The following AOX1 variants were observed in gnomAD, a reference collection of about 807,000 sequenced individuals.
AOX1 encodes aldehyde oxidase.
In AOX1, 153 loss-of-function variants were observed where a neutral mutation model predicts 169.5. That is an observed-to-expected ratio of 0.90 (90% CI 0.79 to 1.03). AOX1 has a LOEUF of 1.03. Among genes scored for constraint, AOX1 ranks in the 50% least tolerant of loss-of-function variants. The pLI is 0.00. For synonymous variants in AOX1, 562 were observed against 581.9 expected, an observed-to-expected ratio of 0.97 and a Z score of 0.49; for missense variants, 1,656 against 1,663.9, an observed-to-expected ratio of 1.00 and a Z score of 0.08.
chr2:200,608,899 A>T, intron 10 of AOX1, 85 bp from the exon 11 acceptor site: 1 of 1,251,392 alleles, frequency 8.0e-7, no homozygotes, highest in Non-Finnish European at 1.1e-6. Context: ...CAGTATAAAG[A>T]TTCTATGTCT....
chr2:200,678,142 G>A (rs757175208), downstream of AOX1: 13 of 152,232 alleles, frequency 8.5e-5, no homozygotes, highest in Non-Finnish European at 1.2e-4. Flanking sequence ...CTGTTAAAGG[G>A]AGGTGCTAGT....
intron 6 of AOX1, among the ~76,000 whole-genome samples, chr2:200,602,922 G>A (rs1024602301): frequency 6.6e-6 from 1 of 152,026 alleles, no homozygotes; most frequent in African/African-American, 2.4e-5. Context: ...TAAGAACAGT[G>A]ATGACAATAA....
At chr2:200,619,935 G>A (rs1241669471) in intron 16 of AOX1, among the ~76,000 whole-genome samples, 1 of 152,096 alleles carries the variant, frequency 6.6e-6, no homozygotes, top group African/African-American at 2.4e-5. Flanking sequence ...AATATTATAT[G>A]TATCGTGCTT....
chr2:200,593,634 T>C (rs2034219772), intron 2 of AOX1, among the ~76,000 whole-genome samples: 1 of 152,284 alleles, frequency 6.6e-6, no homozygotes, highest in East Asian at 1.9e-4. Flanking sequence ...GCCAAATAAA[T>C]GCCATCAAAG....
chr2:200,648,226 GAAGGA>G lies in AOX1; in HGVS notation c.2848-2744_2848-2740del, dbSNP rs146564346. ...CGTCTCATTTGGGTAGGCTCTGTCA[GAAGGA>G]AAGTTTGGGGCTGAAGGCTGTTGTT... On this transcript the variant is annotated intron_variant, in intron 25 of 34. Transcript: ENST00000374700. Among the ~76,000 whole-genome samples, 481 of 152,332 alleles carry G rather than the reference GAAGGA, an allele frequency of 3.2e-3. 2 individuals carry two copies. Among genetic ancestry groups the G allele is most frequent in the African/African-American group, 0.011 (455 of 41,580 alleles).
At chr2:200,604,890 T>C (rs1167826503) in intron 9 of AOX1, 50 bp downstream of exon 9, 2 of 870,310 alleles carry the variant, frequency 2.3e-6, no homozygotes, top group African/African-American at 3.5e-5. Context: ...AAAAAGGGCT[T>C]GGGATGGGGC....
downstream of AOX1, among the ~76,000 whole-genome samples, chr2:200,673,286 C>G (rs1412136193): frequency 6.6e-6 from 1 of 152,166 alleles, no homozygotes; most frequent in Non-Finnish European, 1.5e-5. Flanking sequence ...TCTGTAAACC[C>G]AACTCTTGCT....
chr2:200,604,835 C>T lies in AOX1; in HGVS notation c.809C>T (p.Ser270Phe). 1 of 1,497,268 alleles carries T rather than the reference C, an allele frequency of 6.7e-7. No homozygotes were observed. Among genetic ancestry groups the T allele is most frequent in the African/African-American group, 1.4e-5 (1 of 70,562 alleles). 92.7% of individuals were successfully genotyped at this position (1,497,268 alleles called of 1,614,324 possible). ...PQAPVIMGNT[S>F]VGPEVKFKGV... The stretch of plus-strand genomic sequence containing the variant: ...GCTCCTGTTATCATGGGAAACACCT[C>T]TGTGGGTATGTAGAACCCCAGGGAT... Residue 270 changes from serine to phenylalanine, a missense_variant, in exon 9 of 35, where the codon TCT (serine) becomes TTT (phenylalanine). Coordinates refer to ENST00000374700, the MANE Select transcript of AOX1 (RefSeq NM_001159.4).
chr2:200,609,023 A>G lies in AOX1; in HGVS notation c.947A>G (p.Lys316Arg). ...GCTGGTCTCAGCCTAGCCCAGGTGA[A>G]GGACATTTTGGCTGATGTAGTCCAG... Reference protein sequence around the residue: ...LGAGLSLAQVKDILADVVQKL... With the variant: ...LGAGLSLAQVRDILADVVQKL... Residue 316 changes from lysine to arginine, a missense_variant, in exon 11 of 35, where the codon AAG (lysine) becomes AGG (arginine). Physicochemically the swap from Lys to Arg is conservative, Grantham distance 26 (BLOSUM62 2). Transcript: ENST00000374700. 1.2e-6 allele frequency: 2 copies of G among 1,614,106 alleles called. No homozygotes were observed. Among genetic ancestry groups the G allele is most frequent in the Non-Finnish European group, 1.7e-6 (2 of 1,179,984 alleles).
In AOX1 at chr2:200,621,038, T is replaced by A. The variant is rs1441919362; in HGVS notation, c.1875-82T>A. On this transcript the variant is annotated intron_variant, in intron 17 of 34. Coordinates refer to ENST00000374700, the MANE Select transcript of AOX1 (RefSeq NM_001159.4). ...CAGAGACTGTTGGACAGTTCTTACC[T>A]CTCTCATATCTTATTATCCAATTAA... is the stretch of plus-strand genomic sequence containing the variant. 4 of 1,484,210 alleles carry A rather than the reference T, an allele frequency of 2.7e-6. No homozygotes were observed. The African/African-American group carries it at 5.7e-5, about 21-fold the overall frequency. The allele number at this position is 1,484,210 out of a possible 1,614,324, so 91.9% of individuals were successfully genotyped here.
At chr2:200,659,794 A>T (rs935812028) in intron 28 of AOX1, among the ~76,000 whole-genome samples, 19 of 104,174 alleles carry the variant, frequency 1.8e-4, no homozygotes, top group African/African-American at 5.9e-4. Context: ...TCTCACACAC[A>T]CACACACACA....
Position 200,662,988 on chromosome 2 carries a change from G to C in AOX1, c.3543+19G>C. The C allele has an allele frequency of 6.2e-7, 1 of 1,604,480 alleles. No individual in the cohort carries two copies. The stretch of plus-strand genomic sequence containing the variant: ...TCATAAGGTCAGTACCGGTTGGAAA[G>C]GTCTTCAAGTTGCACTTAGGATGCA... On this transcript the variant is annotated intron_variant, in intron 31 of 34. Transcript: ENST00000374700.
At chr2:200,625,652 CCTGA>C (rs1443834335) in intron 19 of AOX1, among the ~76,000 whole-genome samples, 1 of 152,132 alleles carries the variant, frequency 6.6e-6, no homozygotes, top group Non-Finnish European at 1.5e-5. Flanking sequence ...TTATCACTTT[CCTGA>C]CTAAGAAAAA....
chr2:200,656,996 G>A (rs2035701454), intron 27 of AOX1, 59 bp downstream of exon 27: 5 of 1,139,942 alleles, frequency 4.4e-6, no homozygotes, highest in Admixed American at 2.6e-5. Context: ...GTTCATGAGA[G>A]AAAAACTATG....
At chr2:200,638,892 AGCTCAATATAAT>A (rs6147125) in intron 23 of AOX1, among the ~76,000 whole-genome samples, 81,956 of 151,724 alleles carry the variant, frequency 0.54, 24,147 homozygotes, top group East Asian at 0.86. Context: ...CTCAAGTAAC[AGCTCAATATAAT>A]GCTCAATATA....
At chr2:200,657,948 C>T (rs1288418056) in intron 27 of AOX1, among the ~76,000 whole-genome samples, 1 of 152,102 alleles carries the variant, frequency 6.6e-6, no homozygotes, top group Non-Finnish European at 1.5e-5. Context: ...TCTGTTTTTC[C>T]ACCCACTTTA....
intron 1 of AOX1, 142 bp from the exon 2 acceptor site, chr2:200,593,004 G>T: frequency 3.0e-6 from 2 of 657,618 alleles, no homozygotes; most frequent in East Asian, 2.7e-5. Context: ...GCATATCACA[G>T]CTGTTCCATA....
At chr2:200,588,726 C>CTTTTTTTTTTTTTTTTTTT (rs71807461) in intron 1 of AOX1, among the ~76,000 whole-genome samples, 1,785 of 53,948 alleles carry the variant, frequency 0.033, 480 homozygotes, top group East Asian at 0.046. Context: ...CTAGAATAAG[C>CTTTTTTTTTTTTTTTTTTT]TTTTTTTTTT....
Position 200,670,923 on chromosome 2 carries a change from C to T in AOX1, c.*244C>T, listed in dbSNP as rs2540065. On this transcript the variant is annotated 3_prime_UTR_variant, in exon 35 of 35. Transcript: ENST00000374700. ...TAATTGGTTTCCTCTAGGGTGATATCCGTCATTACTCTGTCTCTTCAATCC... is the reference window on the plus strand; with the variant it reads ...TAATTGGTTTCCTCTAGGGTGATATTCGTCATTACTCTGTCTCTTCAATCC... 1 allele frequency: 414,097 copies of T among 416,150 alleles called. 206,056 individuals are homozygous for T. The highest frequency in any genetic ancestry group is 1 in the East Asian group (28,856 of 28,856). 25.8% of individuals were successfully genotyped at this position (416,150 alleles called of 1,614,324 possible).
Sources: gnomAD v4.1 joint callset for allele counts (sites outside exome capture counted in the v4.1 genomes callset) on GRCh38, gnomAD v4.1.1 for gene constraint, MANE v1.5 for transcripts, NCBI Gene and HGNC (gene_info 2026-07-23, HGNC 2026-07-21) for gene names.